The following ACP3 variants were observed in gnomAD, a reference collection of about 807,000 sequenced individuals.
ACP3 encodes prostatic acid phosphatase.
Under a neutral mutation model 45.6 loss-of-function variants are expected in ACP3, and 38 were observed. That is an observed-to-expected ratio of 0.83 (90% confidence interval 0.64 to 1.09). The LOEUF (loss-of-function observed/expected upper bound fraction) is 1.09, where lower values mean the gene tolerates loss of function less well. Ranked by LOEUF, ACP3 falls within the 50% of genes least tolerant of loss-of-function variation. The pLI, the probability that ACP3 is intolerant of heterozygous loss-of-function variation, is 0.00. For synonymous variants in ACP3, 162 were observed against 164.7 expected (o/e 0.98, Z 0.13); for missense variants, 466 against 463.2 (o/e 1.01, Z -0.05).
rs376653790 is a variant in ACP3, at chr3:132,317,595, T to A, written c.120+19T>A. The A allele has an allele frequency of 1.9e-6, 3 of 1,606,698 alleles. No individual in the cohort carries two copies. The South Asian group carries it at 3.3e-5, about 18-fold the overall frequency. ...GACTTTGGTAAGTAGACTTTTCTCA[T>A]TGCTTTTTCCTTAAAACTGTGTTCC... On this transcript the variant is annotated intron_variant, in intron 1 of 9. Transcript: ENST00000336375.
rs751562354 is a variant in ACP3 at position 132,332,311 on chromosome 3, C to T, written c.423C>T (p.Ile141=). The T allele has an allele frequency of 1.2e-5, 19 of 1,614,152 alleles. No homozygotes were observed. The African/African-American group carries it at 2.1e-4, about 18-fold the overall frequency. The change falls in exon 4 of 10, where the codon ATC becomes ATT. Residue 141 remains isoleucine, a synonymous_variant. Transcript: ENST00000336375. The part of the protein sequence containing the change: ...IWNPILLWQP[I]PVHTVPLSED... ...ATCCTATCCTACTCTGGCAGCCCAT[C>T]CCGGTGCACACAGTTCCTCTTTCTG...
rs1175129138 is a variant in ACP3, at chr3:132,331,734, G to C, written c.303+1G>C. 6.3e-7 allele frequency: 1 copy of C among 1,597,306 alleles called. No homozygotes were observed. The highest frequency in any genetic ancestry group is 2.2e-5 in the East Asian group (1 of 44,644). ...GAATGAGTCCTATAAACATGAACAG[G>C]CAAGTTGGGGAGCCAAGAGTGGGAA... On this transcript the variant is annotated splice_donor_variant, in intron 3 of 9. Transcript: ENST00000336375. LOFTEE classifies it high-confidence loss of function.
intron 4 of ACP3, among the ~76,000 whole-genome samples, chr3:132,336,627 A>G (rs1369905937): frequency 6.6e-6 from 1 of 152,156 alleles, no homozygotes; most frequent in Non-Finnish European, 1.5e-5. Flanking sequence ...TCAGTTGGGG[A>G]GTGTTCAAGG....
chr3:132,356,826 C>T lies in ACP3; in HGVS notation c.1109C>T (p.Thr370Met), dbSNP rs761910783. 61 of 1,613,964 alleles carry T rather than the reference C, an allele frequency of 3.8e-5. No homozygotes were observed. The highest frequency in any genetic ancestry group is 4.7e-5 in the Non-Finnish European group (55 of 1,180,014). The change falls in exon 10 of 10, where the codon ACG becomes ATG. Residue 370 changes from threonine (T) to methionine (M), a missense_variant. Transcript: ENST00000336375. ...CCTGTGATCCCTCAAGACTGGTCCA[C>T]GGAGTGTATGACCACAAACAGCCAT... The part of the protein sequence containing the change: ...VGPVIPQDWS[T>M]ECMTTNSHQG...
In ACP3 at chr3:132,356,784, T is replaced by C. The variant is rs375817864; in HGVS notation, c.1067T>C (p.Phe356Ser). 1.9e-6 allele frequency: 3 copies of C among 1,614,056 alleles called. No homozygotes were observed. The African/African-American group carries it at 4.0e-5, about 22-fold the overall frequency. ...AGCCCCAGCTGTCCTCTGGAGAGGT[T>C]TGCTGAGCTGGTTGGCCCTGTGATC... ...GCSPSCPLER[F>S]AELVGPVIPQ... The change falls in exon 10 of 10, where the codon TTT becomes TCT. Residue 356 changes from phenylalanine to serine, a missense_variant. Coordinates refer to ENST00000336375, the MANE Select transcript of ACP3 (RefSeq NM_001099.5).
At chr3:132,346,773 T>A (rs58265657) in intron 7 of ACP3, among the ~76,000 whole-genome samples, 7,530 of 152,218 alleles carry the variant, frequency 0.049, 821 homozygotes, top group East Asian at 0.49. Flanking sequence ...TCCCCCAACC[T>A]AGTTATGGTG....
At chr3:132,328,018 G>A (rs1937329637) in intron 1 of ACP3, among the ~76,000 whole-genome samples, 1 of 152,004 alleles carries the variant, frequency 6.6e-6, no homozygotes, top group South Asian at 2.1e-4. Context: ...TTAGAATAGT[G>A]GTTCTTAACT....
intron 1 of ACP3, 131 bp downstream of exon 1, chr3:132,317,707 T>C: frequency 3.8e-6 from 4 of 1,062,784 alleles, no homozygotes; most frequent in Non-Finnish European, 1.2e-6. Context: ...ACTCAGAAAG[T>C]GAATAATCAA....
chr3:132,367,850 C>T (rs1328391932), exon 11 of ACP3: 1 of 1,483,522 alleles, frequency 6.7e-7, no homozygotes, highest in South Asian at 1.1e-5. Context: ...CCAGGCCAAC[C>T]TCCTGTGACA....
At chr3:132,347,956 T>G (rs957167504) in intron 7 of ACP3, among the ~76,000 whole-genome samples, 1 of 151,852 alleles carries the variant, frequency 6.6e-6, no homozygotes, top group East Asian at 1.9e-4. Flanking sequence ...AGGCCAGAGG[T>G]TGGCAAACTA....
chr3:132,338,936 T>C (rs1937522198), intron 5 of ACP3, among the ~76,000 whole-genome samples: 1 of 152,098 alleles, frequency 6.6e-6, no homozygotes, highest in Non-Finnish European at 1.5e-5. Flanking sequence ...TAGGTAAACA[T>C]GTGTCATGGG....
At chr3:132,329,011 A>G (rs1183122438) in intron 2 of ACP3, among the ~76,000 whole-genome samples, 1 of 152,198 alleles carries the variant, frequency 6.6e-6, no homozygotes, top group African/African-American at 2.4e-5. Flanking sequence ...GACCTTCCTT[A>G]TAAGTGGTCA....
chr3:132,342,749 T>C (rs1937566819), intron 6 of ACP3, 105 bp downstream of exon 6: 2 of 626,494 alleles, frequency 3.2e-6, no homozygotes, highest in South Asian at 2.5e-5. Flanking sequence ...ATGAATGTAT[T>C]ACTTATACTT....
chr3:132,337,973 T>C lies in ACP3; in HGVS notation c.555+419T>C, dbSNP rs371328606. On this transcript the variant is annotated intron_variant, in intron 5 of 9. Coordinates refer to ENST00000336375, the MANE Select transcript of ACP3 (RefSeq NM_001099.5). Reference sequence around the variant, plus strand: ...TTTTCAGCACAATACAAAAGGTAGATATAATGCTGTGTACTTTTTAAAATA... The same window carrying C: ...TTTTCAGCACAATACAAAAGGTAGACATAATGCTGTGTACTTTTTAAAATA... Among the ~76,000 whole-genome samples the C allele has an allele frequency of 1.1e-4, 17 of 152,292 alleles. 2 individuals are homozygous for C. The highest frequency in any genetic ancestry group is 3.3e-4 in the Admixed American group (5 of 15,288).
intron 10 of ACP3, among the ~76,000 whole-genome samples, chr3:132,366,560 C>T (rs569608487): frequency 2.0e-5 from 3 of 152,192 alleles, no homozygotes; most frequent in African/African-American, 7.2e-5. Context: ...GAGTTTCCAT[C>T]AACTGAGAAG....
At chr3:132,345,668 T>G (rs573978512) in intron 7 of ACP3, among the ~76,000 whole-genome samples, 1 of 152,358 alleles carries the variant, frequency 6.6e-6, no homozygotes, top group East Asian at 1.9e-4. Context: ...CATTGAAAGC[T>G]GTTGAGATTT....
Position 132,358,197 on chromosome 3 carries a change from G to C in ACP3, c.*1319G>C. On this transcript the variant is annotated 3_prime_UTR_variant, in exon 10 of 10. Coordinates refer to ENST00000336375, the MANE Select transcript of ACP3 (RefSeq NM_001099.5). ...TTTAGGCCTGGTGTGTTCAAGACCAGCCTGGTCAACATAGTGAGACACTGT... is the reference window on the plus strand; with the variant it reads ...TTTAGGCCTGGTGTGTTCAAGACCACCCTGGTCAACATAGTGAGACACTGT... 9.5e-7 allele frequency: 1 copy of C among 1,051,940 alleles called. No individual in the cohort carries two copies. The highest frequency in any genetic ancestry group is 1.2e-6 in the Non-Finnish European group (1 of 856,500). The allele number at this position is 1,051,940 out of a possible 1,614,324, so 65.2% of individuals were successfully genotyped here. A position where few individuals can be genotyped will look rare whatever the true frequency, so the allele number is the denominator to read the frequency against.
chr3:132,362,725 G>C (rs1430045121), downstream of ACP3, among the ~76,000 whole-genome samples: 2 of 152,222 alleles, frequency 1.3e-5, no homozygotes, highest in Non-Finnish European at 2.9e-5. Flanking sequence ...TGAAGGTGAG[G>C]AGAGAGGAGG....
At chr3:132,346,203 A>G (rs1015703879) in intron 7 of ACP3, among the ~76,000 whole-genome samples, 2 of 152,202 alleles carry the variant, frequency 1.3e-5, no homozygotes, top group Non-Finnish European at 2.9e-5. Context: ...GAAAAAATTC[A>G]AATCACTGAC....
Sources: allele counts gnomAD v4.1 joint callset (sites outside exome capture counted in the v4.1 genomes callset), GRCh38; gene constraint gnomAD v4.1.1; transcripts MANE v1.5; gene names NCBI Gene and HGNC (gene_info 2026-07-23, HGNC 2026-07-21).